Variants in UBE3D observed in about 807,000 individuals in gnomAD.
The protein encoded by UBE3D is E3 ubiquitin-protein ligase E3D.
In UBE3D, 48 loss-of-function variants were observed where a neutral mutation model predicts 49.6. The ratio of observed to expected loss-of-function variants is 0.97; its 90% CI spans 0.77 to 1.23. The LOEUF (loss-of-function observed/expected upper bound fraction) is 1.23. UBE3D is among the 50% of genes most tolerant of loss of function. UBE3D has a pLI of 0.00. For missense variants in UBE3D, 452 were observed against 468.4 expected (o/e 0.96, Z 0.32); for synonymous variants, 189 against 174.2 (o/e 1.08, Z -0.67).
rs987892573 is a variant in UBE3D at position 83,065,840 on chromosome 6, G to A, written c.-122C>T. 5.9e-6 allele frequency: 6 copies of A among 1,019,436 alleles called. No individual in the cohort carries two copies. Among genetic ancestry groups the A allele is most frequent in the African/African-American group, 1.6e-5 (1 of 61,732 alleles). 63.1% of individuals were successfully genotyped at this position (1,019,436 alleles called of 1,614,324 possible). A position where few individuals can be genotyped will look rare whatever the true frequency, so the allele number is the denominator to read the frequency against. ...CAGCCCCGCTGCGGCGCAGGCGCCT[G>A]TGCCAGATCGCAGGGCTGGCGCCGC... On this transcript the variant is annotated 5_prime_UTR_variant, in exon 1 of 10. Transcript: ENST00000369747.
chr6:82,951,612 C>T (rs1305590249), intron 9 of UBE3D, among the ~76,000 whole-genome samples: 1 of 152,164 alleles, frequency 6.6e-6, no homozygotes, highest in African/African-American at 2.4e-5. Flanking sequence ...GAACCCTTTG[C>T]CACGTTACTA....
At chr6:82,885,885 T>C in the UBE3D span, among the ~76,000 whole-genome samples, 2 of 152,132 alleles carry the variant, frequency 1.3e-5, no homozygotes, top group Non-Finnish European at 2.9e-5. Context: ...TTCCCATCTT[T>C]CCAAATCTTA....
At chr6:82,961,037 T>A (rs1418553774) in intron 8 of UBE3D, among the ~76,000 whole-genome samples, 1 of 152,154 alleles carries the variant, frequency 6.6e-6, no homozygotes, top group Admixed American at 6.5e-5. Context: ...CATCAGTGAA[T>A]CTCTAAGACC....
chr6:83,016,071 G>A (rs1249580154), intron 8 of UBE3D, among the ~76,000 whole-genome samples: 1 of 152,142 alleles, frequency 6.6e-6, no homozygotes, highest in Non-Finnish European at 1.5e-5. Context: ...TTTCATTGCA[G>A]GTCAGCCACT....
At chr6:83,009,027 TCA>T (rs918400262) in intron 8 of UBE3D, among the ~76,000 whole-genome samples, 2 of 152,196 alleles carry the variant, frequency 1.3e-5, no homozygotes, top group Non-Finnish European at 2.9e-5. Context: ...ATGACTATAG[TCA>T]CAATATTTCC....
chr6:82,929,368 T>A (rs988680577), intron 9 of UBE3D, among the ~76,000 whole-genome samples: 12 of 147,244 alleles, frequency 8.1e-5, no homozygotes, highest in African/African-American at 2.9e-4. Flanking sequence ...TTGCTAAGCT[T>A]TTTTGACAAT....
chr6:83,015,449 A>T (rs564662690), intron 8 of UBE3D, among the ~76,000 whole-genome samples: 1 of 152,142 alleles, frequency 6.6e-6, no homozygotes, highest in African/African-American at 2.4e-5. Flanking sequence ...TAACTCCCCA[A>T]ACTGCAACAT....
chr6:82,961,347 A>G (rs945269731), intron 8 of UBE3D, among the ~76,000 whole-genome samples: 7 of 152,168 alleles, frequency 4.6e-5, no homozygotes, highest in Admixed American at 1.3e-4. Context: ...CACTTATCCT[A>G]TGCCTAACAC....
At chr6:82,956,459 T>C (rs1294495821) in intron 9 of UBE3D, among the ~76,000 whole-genome samples, 1 of 152,094 alleles carries the variant, frequency 6.6e-6, no homozygotes, top group Non-Finnish European at 1.5e-5. Flanking sequence ...TTTGCAGAAC[T>C]GAGTTAGACT....
intron 9 of UBE3D, among the ~76,000 whole-genome samples, chr6:82,955,215 T>C (rs970270987): frequency 6.6e-6 from 1 of 152,160 alleles, no homozygotes; most frequent in Admixed American, 6.5e-5. Flanking sequence ...GAAATATAGA[T>C]TGGTCTTCCT....
At chr6:82,932,399 C>T (rs1009044375) in intron 9 of UBE3D, among the ~76,000 whole-genome samples, 2 of 152,060 alleles carry the variant, frequency 1.3e-5, no homozygotes, top group Non-Finnish European at 2.9e-5. Context: ...TGTATCTGGT[C>T]CTATATGGCC....
chr6:83,044,205 G>A lies in UBE3D; in HGVS notation c.597+223C>T, dbSNP rs76143679. Reference sequence around the variant, plus strand: ...TAGCACTCGCAATTCTAAGCCTGCAGAGGTCTTCCTCTCCTTATTCTTCCA... The same window carrying A: ...TAGCACTCGCAATTCTAAGCCTGCAAAGGTCTTCCTCTCCTTATTCTTCCA... On this transcript the variant is annotated intron_variant, in intron 4 of 9. Transcript: ENST00000369747. Among the ~76,000 whole-genome samples, 625 of 152,330 alleles carry A rather than the reference G, an allele frequency of 4.1e-3. 1 individual carries two copies. Among genetic ancestry groups the A allele is most frequent in the Non-Finnish European group, 7.1e-3 (485 of 68,034 alleles).
At chr6:83,059,536 A>C (rs1562238370) in intron 1 of UBE3D, among the ~76,000 whole-genome samples, 1 of 152,238 alleles carries the variant, frequency 6.6e-6, no homozygotes, top group African/African-American at 2.4e-5. Context: ...TGACTTTCAA[A>C]CTAGACTGTG....
At chr6:82,971,882 A>T (rs1008422531) in intron 8 of UBE3D, among the ~76,000 whole-genome samples, 1 of 152,206 alleles carries the variant, frequency 6.6e-6, no homozygotes, top group Admixed American at 6.5e-5. Context: ...TTGGAGTTGC[A>T]TTAGAGGTAT....
intron 9 of UBE3D, among the ~76,000 whole-genome samples, chr6:82,918,850 C>T (rs1247464834): frequency 6.6e-6 from 1 of 151,948 alleles, no homozygotes; most frequent in Non-Finnish European, 1.5e-5. Context: ...TTCCTCTTTA[C>T]CTGCACGTAG....
At chr6:83,032,359 A>C in intron 5 of UBE3D, 1 of 440,532 alleles carries the variant, frequency 2.3e-6, no homozygotes. Flanking sequence ...TTAAGGTTTG[A>C]CTACTTTGCT....
At chr6:82,952,746 C>G (rs1419292715) in intron 9 of UBE3D, among the ~76,000 whole-genome samples, 1 of 152,032 alleles carries the variant, frequency 6.6e-6, no homozygotes, top group Non-Finnish European at 1.5e-5. Flanking sequence ...TAGAAAAATC[C>G]CCTCTCTACC....
chr6:82,971,034 C>G (rs998824751), intron 8 of UBE3D, among the ~76,000 whole-genome samples: 1 of 152,028 alleles, frequency 6.6e-6, no homozygotes, highest in African/African-American at 2.4e-5. Context: ...TTTGGTCTGG[C>G]TTCTTTCACT....
rs531092757 is a variant in UBE3D at position 82,991,140 on chromosome 6, C to T, written c.1010+27833G>A. ...CAGCTGGATTCTCACAGAAGGAGTG[C>T]TCAAGACACAGAGCAAGGAAGAATC... On this transcript the variant is annotated intron_variant, in intron 8 of 9. Coordinates refer to ENST00000369747, the MANE Select transcript of UBE3D (RefSeq NM_198920.3). 2.6e-5 allele frequency among the ~76,000 whole-genome samples: 4 copies of T among 152,272 alleles called. No individual in the cohort carries two copies. The South Asian group carries it at 8.3e-4, about 32-fold the overall frequency.
Sources: allele counts gnomAD v4.1 joint callset (sites outside exome capture counted in the v4.1 genomes callset), GRCh38; gene constraint gnomAD v4.1.1; transcripts MANE v1.5; gene names NCBI Gene and HGNC (gene_info 2026-07-23, HGNC 2026-07-21).